GRAMD1C: variants seen among roughly 807,000 people sequenced by gnomAD.
The protein encoded by GRAMD1C is protein Aster-C.
In GRAMD1C, 89 loss-of-function variants were observed where a neutral mutation model predicts 97.8. That is an observed-to-expected ratio of 0.91 (90% CI 0.77 to 1.09). The LOEUF (loss-of-function observed/expected upper bound fraction) is 1.09, where lower values mean the gene tolerates loss of function less well. Ranked by LOEUF, GRAMD1C falls within the 50% of genes least tolerant of loss-of-function variation. GRAMD1C has a pLI of 0.00. For synonymous variants in GRAMD1C, 256 were observed against 267.0 expected (o/e 0.96, Z 0.40); for missense variants, 740 against 766.4 (o/e 0.97, Z 0.41).
At chr3:113,847,554 C>T (rs1933666659) in intron 2 of GRAMD1C, among the ~76,000 whole-genome samples, 1 of 152,178 alleles carries the variant, frequency 6.6e-6, no homozygotes, top group Non-Finnish European at 1.5e-5. Context: ...CATTTTTTCT[C>T]TGCCATTTAA....
intron 3 of GRAMD1C, 70 bp downstream of exon 3, chr3:113,869,661 T>G (rs1934716159): frequency 1.4e-6 from 1 of 725,150 alleles, no homozygotes; most frequent in Non-Finnish European, 2.4e-6. Flanking sequence ...AGTGACAGTA[T>G]ATGTAATAAA....
At chr3:113,872,408 T>A (rs1192166505) in intron 3 of GRAMD1C, among the ~76,000 whole-genome samples, 2 of 145,874 alleles carry the variant, frequency 1.4e-5, no homozygotes, top group Non-Finnish European at 3.0e-5. Context: ...TTTTTTTTTT[T>A]TTTTGAGATA....
At chr3:113,936,189 A>T in intron 13 of GRAMD1C, 77 bp from the exon 14 acceptor site, 1 of 798,292 alleles carries the variant, frequency 1.3e-6, no homozygotes, top group South Asian at 1.9e-5. Context: ...ATTATCAAAA[A>T]TAACCACCAA....
chr3:113,880,481 C>T (rs1360555295), intron 5 of GRAMD1C, among the ~76,000 whole-genome samples: 1 of 151,938 alleles, frequency 6.6e-6, no homozygotes, highest in Non-Finnish European at 1.5e-5. Context: ...AGACCCACCT[C>T]TTTTTTAAAA....
At chr3:113,834,748 G>A (rs113003758), upstream of GRAMD1C, among the ~76,000 whole-genome samples, 2,603 of 148,690 alleles carry the variant, frequency 0.018, 75 homozygotes, top group African/African-American at 0.059. Context: ...AGCCTGATCA[G>A]CATGGTGAAA....
intron 10 of GRAMD1C, among the ~76,000 whole-genome samples, chr3:113,917,860 T>C (rs1936888219): frequency 8.8e-6 from 1 of 113,214 alleles, no homozygotes; most frequent in Admixed American, 1.1e-4. Flanking sequence ...GCTTGGCTTT[T>C]TTTTTTTTTT....
intron 2 of GRAMD1C, among the ~76,000 whole-genome samples, chr3:113,853,288 A>G (rs1933985934): frequency 6.6e-6 from 1 of 152,242 alleles, no homozygotes; most frequent in South Asian, 2.1e-4. Context: ...ACGTATTAGG[A>G]AATTCCTCAA....
intron 13 of GRAMD1C, among the ~76,000 whole-genome samples, chr3:113,935,058 A>G (rs576945150): frequency 6.6e-6 from 1 of 152,178 alleles, no homozygotes; most frequent in African/African-American, 2.4e-5. Flanking sequence ...AAACACTTAC[A>G]TAATGCTTAT....
intron 2 of GRAMD1C, among the ~76,000 whole-genome samples, chr3:113,861,370 G>A (rs1014532415): frequency 2.6e-5 from 4 of 152,144 alleles, no homozygotes; most frequent in Admixed American, 6.6e-5. Context: ...GCCATGTTTG[G>A]TTGTGTGTGC....
intron 7 of GRAMD1C, among the ~76,000 whole-genome samples, chr3:113,903,101 A>G (rs1936236672): frequency 1.3e-5 from 2 of 149,790 alleles, no homozygotes; most frequent in South Asian, 4.2e-4. Flanking sequence ...AGTAGCTGAG[A>G]CTTCAGGTGC....
At chr3:113,842,559 G>T (rs1933377393) in intron 1 of GRAMD1C, among the ~76,000 whole-genome samples, 1 of 152,070 alleles carries the variant, frequency 6.6e-6, no homozygotes, top group Admixed American at 6.6e-5. Context: ...GGTGGAGGAG[G>T]TCTTCTCTAC....
At chr3:113,912,256 A>G (rs1013004634) in intron 9 of GRAMD1C, among the ~76,000 whole-genome samples, 2 of 152,160 alleles carry the variant, frequency 1.3e-5, no homozygotes, top group Non-Finnish European at 1.5e-5. Flanking sequence ...CATTATATAT[A>G]ATACCCAGCA....
intron 9 of GRAMD1C, among the ~76,000 whole-genome samples, chr3:113,910,707 C>T (rs566331450): frequency 3.3e-5 from 5 of 152,144 alleles, no homozygotes; most frequent in East Asian, 1.9e-4. Context: ...ACAAAGTCAA[C>T]GGATGTGGGT....
At chr3:113,927,539 G>A (rs189494795) in intron 10 of GRAMD1C, among the ~76,000 whole-genome samples, 1 of 152,228 alleles carries the variant, frequency 6.6e-6, no homozygotes, top group Non-Finnish European at 1.5e-5. Context: ...TGCACATCCT[G>A]CTCAGCTAGG....
At chr3:113,874,402 GGA>G (rs1230124084) in intron 3 of GRAMD1C, among the ~76,000 whole-genome samples, 1 of 151,788 alleles carries the variant, frequency 6.6e-6, no homozygotes, top group Non-Finnish European at 1.5e-5. Context: ...TCCCTGGAGT[GGA>G]GTGGCACGAT....
chr3:113,915,736 T>C lies in GRAMD1C; in HGVS notation c.988T>C (p.Phe330Leu). The C allele has an allele frequency of 1.2e-6, 2 of 1,610,396 alleles. No homozygotes were observed. The highest frequency in any genetic ancestry group is 1.7e-6 in the Non-Finnish European group (2 of 1,177,116). ...VPEKDLHGRL[F>L]INRIFHISAD... Reference sequence around the variant, plus strand: ...TGAGAAAGATCTTCATGGAAGACTTTTTATCAACCGTATTTTTCATATCAG... The same window carrying C: ...TGAGAAAGATCTTCATGGAAGACTTCTTATCAACCGTATTTTTCATATCAG... Residue 330 changes from phenylalanine to leucine, a missense_variant, in exon 10 of 18, where the codon TTT becomes CTT. By Grantham distance (22) the Phe-to-Leu change is conservative. Coordinates refer to ENST00000358160, the MANE Select transcript of GRAMD1C (RefSeq NM_017577.5).
chr3:113,873,944 A>G (rs1417828570), intron 3 of GRAMD1C, among the ~76,000 whole-genome samples: 1 of 152,306 alleles, frequency 6.6e-6, no homozygotes, highest in East Asian at 1.9e-4. Flanking sequence ...CTTTAGCCCA[A>G]TCTCTGTTTT....
chr3:113,843,712 G>C (rs1439027653), intron 1 of GRAMD1C, among the ~76,000 whole-genome samples: 1 of 152,160 alleles, frequency 6.6e-6, no homozygotes, highest in Non-Finnish European at 1.5e-5. Context: ...GGCCTCAAGT[G>C]ATCCCAAAGT....
At chr3:113,917,856 C>CTTTTT (rs71144097) in intron 10 of GRAMD1C, among the ~76,000 whole-genome samples, 23 of 41,918 alleles carry the variant, frequency 5.5e-4, no homozygotes, top group African/African-American at 8.4e-4. Flanking sequence ...CCATGCTTGG[C>CTTTTT]TTTTTTTTTT....
Sources: gnomAD v4.1 joint callset for allele counts (sites outside exome capture counted in the v4.1 genomes callset) on GRCh38, gnomAD v4.1.1 for gene constraint, MANE v1.5 for transcripts, NCBI Gene and HGNC (gene_info 2026-07-23, HGNC 2026-07-21) for gene names.